MPST: variants seen among roughly 807,000 people sequenced by gnomAD.
The protein encoded by MPST is 3-mercaptopyruvate sulfurtransferase.
In MPST, 27 loss-of-function variants were observed where a neutral mutation model predicts 28.5. That is an observed-to-expected ratio of 0.95 (90% CI 0.70 to 1.31). The LOEUF is 1.31. MPST is among the 50% of genes most tolerant of loss of function. The pLI is 0.00. For synonymous variants in MPST, 204 were observed against 209.3 expected, an observed-to-expected ratio of 0.97 and a Z score of 0.22; for missense variants, 492 against 471.1, an observed-to-expected ratio of 1.04 and a Z score of -0.41.
At chr22:37,020,749 C>G (rs1052433890) in intron 1 of MPST, among the ~76,000 whole-genome samples, 1 of 152,170 alleles carries the variant, frequency 6.6e-6, no homozygotes, top group Non-Finnish European at 1.5e-5. Flanking sequence ...ACCTCCGCCT[C>G]CCAGGCTCAA....
chr22:37,028,715 CAG>C (rs1923690999), intron 2 of MPST: 2 of 157,170 alleles, frequency 1.3e-5, no homozygotes, highest in Admixed American at 6.2e-5. Flanking sequence ...GACCCTGTCT[CAG>C]TAATAATAAT....
At chr22:37,022,582 G>T (rs928159363) in intron 1 of MPST, among the ~76,000 whole-genome samples, 1 of 152,192 alleles carries the variant, frequency 6.6e-6, no homozygotes, top group African/African-American at 2.4e-5. Context: ...AGCCTGAGGG[G>T]TCAAATTCTG....
Position 37,024,146 on chromosome 22 carries a change from AGCG to A in MPST, c.37-43_37-41del, listed in dbSNP as rs1458519646. On this transcript the variant is annotated intron_variant, in intron 1 of 2. Coordinates refer to ENST00000429360, the MANE Select transcript of MPST (RefSeq NM_021126.8). Reference sequence around the variant, plus strand: ...CTCCAGCCCCAGCCCTAGCCCCAACAGCGGCCTCTCCCTGCTTCCCTTCTGACA... The same window carrying A: ...CTCCAGCCCCAGCCCTAGCCCCAACAGCCTCTCCCTGCTTCCCTTCTGACA... The A allele has an allele frequency of 8.8e-6, 12 of 1,361,250 alleles. No individual in the cohort carries two copies. In the South Asian group the frequency reaches 1.5e-4, roughly 17 times the overall value. The allele number at this position is 1,361,250 out of a possible 1,614,324, so 84.3% of individuals were successfully genotyped here.
intron 2 of MPST, chr22:37,025,103 T>C: frequency 2.0e-6 from 3 of 1,470,716 alleles, no homozygotes; most frequent in African/African-American, 1.4e-5. Flanking sequence ...CAGCCTGACC[T>C]TGCCTTTAAA....
At chr22:37,024,859 G>A in intron 2 of MPST, 49 bp downstream of exon 2, 2 of 1,583,702 alleles carry the variant, frequency 1.3e-6, no homozygotes, top group Non-Finnish European at 1.7e-6. Flanking sequence ...CGGCCTCTAC[G>A]CCCTGAGCAG....
At chr22:37,021,939 C>T (rs1216904047) in intron 1 of MPST, among the ~76,000 whole-genome samples, 1 of 152,092 alleles carries the variant, frequency 6.6e-6, no homozygotes, top group Non-Finnish European at 1.5e-5. Context: ...ACCAGTTAAG[C>T]AGTGGAGTGG....
chr22:37,024,800 GC>G lies in MPST; in HGVS notation c.649del (p.Arg217GlufsTer13). On this transcript the variant is annotated frameshift_variant, in exon 2 of 3. Coordinates refer to ENST00000429360, the MANE Select transcript of MPST (RefSeq NM_021126.8). LOFTEE classifies it high-confidence loss of function. ...TGRFRGTEPE[P>X]RDGIEPGHIP... is the part of the protein sequence containing the mutation. ...GCAGGTTCCGCGGCACCGAGCCCGAGCCCCGAGACGGTAACGCGGGGGAAGG... is the reference window on the plus strand; with the variant it reads ...GCAGGTTCCGCGGCACCGAGCCCGAGCCCGAGACGGTAACGCGGGGGAAGG... The G allele has an allele frequency of 6.2e-7, 1 of 1,603,436 alleles. No homozygotes were observed.
rs887292492 is a variant in MPST at position 37,029,203 on chromosome 22, TC to T, written c.656-9del. ...CTTCTATTTGTCCCCTCCTCCCTGCTCCCCTGCTGTAGGCATTGAACCTGGC... is the reference window on the plus strand; with the variant it reads ...CTTCTATTTGTCCCCTCCTCCCTGCTCCCTGCTGTAGGCATTGAACCTGGC... On this transcript the variant is annotated splice_polypyrimidine_tract_variant and intron_variant, in intron 2 of 2. Coordinates refer to ENST00000429360, the MANE Select transcript of MPST (RefSeq NM_021126.8). The T allele has an allele frequency of 6.2e-7, 1 of 1,609,788 alleles. No individual in the cohort carries two copies. The highest frequency in any genetic ancestry group is 1.3e-5 in the African/African-American group (1 of 74,830).
chr22:37,021,857 AGAGGTG>A (rs1421689671), intron 1 of MPST, among the ~76,000 whole-genome samples: 1 of 152,114 alleles, frequency 6.6e-6, no homozygotes, highest in African/African-American at 2.4e-5. Context: ...CTTGGCTCTA[AGAGGTG>A]GAGGTGAGAA....
chr22:37,025,602 TGA>T (rs2145920942), intron 2 of MPST: 1 of 157,486 alleles, frequency 6.3e-6, no homozygotes, highest in Non-Finnish European at 1.4e-5. Flanking sequence ...CACGCTAGTG[TGA>T]GTCTTTCAAA....
At position 37,024,764 on chromosome 22, in the gene MPST, C is replaced by A. The variant is rs1271195258; in HGVS notation, c.609C>A (p.Ser203=). The part of the protein sequence containing the change: ...LESRRFQVVD[S]RATGRFRGTE... Reference sequence around the variant, plus strand: ...CCCGGCGCTTCCAGGTGGTGGACTCCCGAGCCACTGGCAGGTTCCGCGGCA... The same window carrying A: ...CCCGGCGCTTCCAGGTGGTGGACTCACGAGCCACTGGCAGGTTCCGCGGCA... Residue 203 remains serine, a synonymous_variant, in exon 2 of 3, where the codon TCC becomes TCA. Coordinates refer to ENST00000429360, the MANE Select transcript of MPST (RefSeq NM_021126.8). 6.2e-7 allele frequency: 1 copy of A among 1,601,762 alleles called. No homozygotes were observed.
rs757302640 is a variant in MPST, at chr22:37,029,435, A to T, written c.875A>T (p.Tyr292Phe). 106 of 1,613,764 alleles carry T rather than the reference A, an allele frequency of 6.6e-5. 2 individuals are homozygous for T. The South Asian group carries it at 9.9e-4, about 15-fold the overall frequency. ...YLCGKPDVPI[Y>F]DGSWVEWYMR... is the part of the protein sequence containing the mutation. ...TGCGGCAAGCCAGACGTGCCCATCT[A>T]CGATGGCTCCTGGGTGGAGTGGTAC... Residue 292 changes from tyrosine (Y) to phenylalanine (F), a missense_variant, in exon 3 of 3, where the codon TAC (tyrosine) becomes TTC (phenylalanine). By Grantham distance (22) the Tyr-to-Phe change is conservative (BLOSUM62 3). Coordinates refer to ENST00000429360, the MANE Select transcript of MPST (RefSeq NM_021126.8).
intron 2 of MPST, chr22:37,026,894 G>C (rs915747695): frequency 6.6e-6 from 1 of 152,452 alleles, no homozygotes; most frequent in African/African-American, 2.4e-5. Context: ...GAGTCTGAAT[G>C]GCTCAGATTT....
At chr22:37,023,024 G>C (rs1003166856) in intron 1 of MPST, 2 of 152,764 alleles carry the variant, frequency 1.3e-5, no homozygotes, top group African/African-American at 4.8e-5. Flanking sequence ...GGGCTGGCGA[G>C]CTGGTGCACT....
At chr22:37,022,891 AG>A (rs1267713944) in intron 1 of MPST, 1 of 152,526 alleles carries the variant, frequency 6.6e-6, no homozygotes, top group Non-Finnish European at 1.5e-5. Flanking sequence ...GTGGGGGCTC[AG>A]CCTCTGCCTG....
chr22:37,026,870 C>T lies in MPST; in HGVS notation c.655+2060C>T, dbSNP rs1412283532. 2.6e-5 allele frequency: 4 copies of T among 152,474 alleles called. No individual in the cohort carries two copies. In the East Asian group the frequency reaches 7.7e-4, roughly 29 times the overall value. The allele number at this position is 152,474 out of a possible 1,614,324, so 9.4% of individuals were successfully genotyped here. A position where few individuals can be genotyped will look rare whatever the true frequency, so the allele number is the denominator to read the frequency against. On this transcript the variant is annotated intron_variant, in intron 2 of 2. Transcript: ENST00000429360. The stretch of plus-strand genomic sequence containing the variant: ...ACTCCACTGCGGAGGGAAACCAAGG[C>T]AGAAGCTGGACAAGAGTCTGAATGG...
intron 1 of MPST, among the ~76,000 whole-genome samples, chr22:37,020,343 T>C (rs911086870): frequency 2.0e-5 from 3 of 151,774 alleles, no homozygotes; most frequent in African/African-American, 4.8e-5. Flanking sequence ...GCAGAGCGAG[T>C]TGCTGGAGGA....
chr22:37,025,424 C>A, intron 2 of MPST: 1 of 240,666 alleles, frequency 4.2e-6, no homozygotes, highest in Non-Finnish European at 8.3e-6. Context: ...AAAGGAAAGT[C>A]TCTTCCAGGG....
intron 1 of MPST, chr22:37,020,094 G>A (rs1922955276): frequency 1.0e-5 from 4 of 391,322 alleles, no homozygotes; most frequent in Admixed American, 4.4e-5. Context: ...GGGTGGAAGT[G>A]GGTGACCTGG....
Sources: gnomAD v4.1 joint callset for allele counts (sites outside exome capture counted in the v4.1 genomes callset) on GRCh38, gnomAD v4.1.1 for gene constraint, MANE v1.5 for transcripts, NCBI Gene and HGNC (gene_info 2026-07-23, HGNC 2026-07-21) for gene names.